The following KLHL15 variants were observed in gnomAD, a reference collection of about 807,000 sequenced individuals.
The protein encoded by KLHL15 is kelch-like protein 15.
A neutral mutation model predicts 29.3 loss-of-function variants in KLHL15; 1 was observed. The ratio of observed to expected loss-of-function variants is 0.03; its 90% confidence interval spans 0.01 to 0.16. KLHL15 has a LOEUF of 0.16. Among genes scored for constraint, KLHL15 ranks in the 10% least tolerant of loss-of-function variants. The pLI, the probability that KLHL15 is intolerant of heterozygous loss-of-function variation, is 1.00. For synonymous variants in KLHL15, 212 were observed against 184.5 expected, an observed-to-expected ratio of 1.15 and a Z score of -1.21; for missense variants, 215 against 478.5, an observed-to-expected ratio of 0.45 and a Z score of 5.14.
chrX:23,994,795 T>C (rs1208632959), intron 3 of KLHL15, among the ~76,000 whole-genome samples: 1 of 111,831 alleles, frequency 8.9e-6, no homozygotes, highest in Non-Finnish European at 1.9e-5. Flanking sequence ...ATATATCATA[T>C]AATTATATAT....
rs1373425180 is a variant in KLHL15 at position 23,987,510 on chromosome X, C to T, written c.*411G>A. On this transcript the variant is annotated 3_prime_UTR_variant, in exon 4 of 4. Transcript: ENST00000328046. ...TAAATAATAAAACTAAAAAGTATAACAGACTGAAATACACTGAAATAAATC... is the reference window on the plus strand; with the variant it reads ...TAAATAATAAAACTAAAAAGTATAATAGACTGAAATACACTGAAATAAATC... The T allele has an allele frequency of 8.5e-6, 1 of 117,599 alleles. No individual in the cohort carries two copies. The highest frequency in any genetic ancestry group is 1.8e-5 in the Non-Finnish European group (1 of 57,057). 9.7% of individuals were successfully genotyped at this position (117,599 alleles called of 1,213,427 possible). A position where few individuals can be genotyped will look rare whatever the true frequency, so the allele number is the denominator to read the frequency against.
intron 2 of KLHL15, among the ~76,000 whole-genome samples, chrX:24,007,505 A>AT (rs1382928314): frequency 0.014 from 785 of 55,884 alleles, 2 homozygotes; most frequent in Non-Finnish European, 0.018. Context: ...AAAAAAAAAA[A>AT]AAAATATATA....
intron 3 of KLHL15, among the ~76,000 whole-genome samples, chrX:23,991,546 A>ACAAG (rs1348289866): frequency 5.4e-5 from 6 of 110,508 alleles, no homozygotes; most frequent in Non-Finnish European, 1.1e-4. Context: ...AAACAAACAA[A>ACAAG]CAAACCAAAA....
At chrX:24,025,377 G>A (rs1929905568) in intron 1 of KLHL15, among the ~76,000 whole-genome samples, 1 of 106,190 alleles carries the variant, frequency 9.4e-6, no homozygotes, top group Admixed American at 9.7e-5. Flanking sequence ...GGCGTGCGGG[G>A]CCACGAGCCG....
chrX:24,021,826 TAAAA>T (rs767263350), intron 2 of KLHL15, among the ~76,000 whole-genome samples: 1 of 94,494 alleles, frequency 1.1e-5, no homozygotes. Context: ...TTCTCTTCAA[TAAAA>T]AAAAAAAAGC....
intron 2 of KLHL15, among the ~76,000 whole-genome samples, chrX:24,013,980 T>G (rs771513259): frequency 9.0e-6 from 1 of 110,917 alleles, no homozygotes; most frequent in Non-Finnish European, 1.9e-5. Context: ...TCAAGCTGTA[T>G]TGGTCTGCAG....
chrX:24,025,413 C>T (rs1033359452), intron 1 of KLHL15, among the ~76,000 whole-genome samples: 1 of 105,556 alleles, frequency 9.5e-6, no homozygotes, highest in Non-Finnish European at 2.0e-5. Context: ...CGCGCGCCCC[C>T]TGCGGGCCGC....
intron 2 of KLHL15, among the ~76,000 whole-genome samples, chrX:24,022,455 G>GA (rs1469203080): frequency 4.6e-5 from 5 of 107,643 alleles, no homozygotes; most frequent in Admixed American, 9.9e-5. Flanking sequence ...CCAACATGGT[G>GA]AAACCCCGTC....
At chrX:23,990,680 A>G (rs866186019) in intron 3 of KLHL15, among the ~76,000 whole-genome samples, 10 of 110,803 alleles carry the variant, frequency 9.0e-5, no homozygotes, top group African/African-American at 3.0e-4. Context: ...TAGGGTTCTG[A>G]GGCGGAAATG....
chrX:23,986,547 G>A lies in KLHL15; in HGVS notation c.*1374C>T, dbSNP rs1255195463. The A allele has an allele frequency of 3.6e-5, 4 of 112,012 alleles. No homozygotes were observed. Among genetic ancestry groups the A allele is most frequent in the Non-Finnish European group, 7.5e-5 (4 of 53,170 alleles). 9.2% of individuals were successfully genotyped at this position (112,012 alleles called of 1,213,427 possible). On this transcript the variant is annotated 3_prime_UTR_variant, in exon 4 of 4. Transcript: ENST00000328046. ...CTCTGCATTTAAAGAGTTGAAAGGT[G>A]CAGCTAATCCTAAAACACTTATTAT... is the stretch of plus-strand genomic sequence containing the variant.
chrX:23,989,826 C>T (rs1240326038), intron 3 of KLHL15, among the ~76,000 whole-genome samples: 1 of 109,514 alleles, frequency 9.1e-6, no homozygotes, highest in African/African-American at 3.3e-5. Flanking sequence ...ATTATTATTA[C>T]TATATATTTT....
At chrX:24,007,504 A>ATATAT (rs1555976994) in intron 2 of KLHL15, among the ~76,000 whole-genome samples, 1 of 54,984 alleles carries the variant, frequency 1.8e-5, no homozygotes, top group Admixed American at 2.0e-4. Context: ...AAAAAAAAAA[A>ATATAT]AAAAATATAT....
chrX:23,997,196 G>A (rs765475671), intron 3 of KLHL15, among the ~76,000 whole-genome samples: 14 of 112,392 alleles, frequency 1.2e-4, no homozygotes, highest in South Asian at 3.6e-4. Flanking sequence ...CCCTTTTAGA[G>A]AGTAAAAAAT....
At position 24,013,033 on chromosome X, in the gene KLHL15, C is replaced by A. The variant is rs377138005; in HGVS notation, c.-7-6333G>T. On this transcript the variant is annotated intron_variant, in intron 2 of 3. Coordinates refer to ENST00000328046, the MANE Select transcript of KLHL15 (RefSeq NM_030624.3). ...ATTCTGGAAACTAATCAATGCTTGG[C>A]AAAACAACTTTACTAATACATTTAA... Among the ~76,000 whole-genome samples, 9 of 111,755 alleles carry A rather than the reference C, an allele frequency of 8.1e-5. No individual in the cohort carries two copies. In the East Asian group the frequency reaches 2.5e-3, roughly 31 times the overall value.
intron 3 of KLHL15, among the ~76,000 whole-genome samples, chrX:23,996,440 G>A (rs923802393): frequency 5.4e-5 from 6 of 111,622 alleles, no homozygotes; most frequent in Admixed American, 4.7e-4. Flanking sequence ...CCAGGCGAGC[G>A]GATCATGAGG....
At chrX:23,990,326 C>T (rs1431103744) in intron 3 of KLHL15, among the ~76,000 whole-genome samples, 2 of 110,902 alleles carry the variant, frequency 1.8e-5, no homozygotes, top group Non-Finnish European at 3.8e-5. Flanking sequence ...TGAAGCCAAA[C>T]AGCACATCTG....
In KLHL15 at chrX:24,002,647, G is replaced by C. The variant is rs1477612461; in HGVS notation, c.705+3342C>G. Reference sequence around the variant, plus strand: ...ATGGGGTGGGGTAGGGGATTGGGGGGAACAGGTTCTCACTTTTATCGCCCA... The same window carrying C: ...ATGGGGTGGGGTAGGGGATTGGGGGCAACAGGTTCTCACTTTTATCGCCCA... On this transcript the variant is annotated intron_variant, in intron 3 of 3. Coordinates refer to ENST00000328046, the MANE Select transcript of KLHL15 (RefSeq NM_030624.3). Among the ~76,000 whole-genome samples, 10 of 107,317 alleles carry C rather than the reference G, an allele frequency of 9.3e-5. No individual in the cohort carries two copies. The East Asian group carries it at 1.2e-3, about 13-fold the overall frequency. 93.2% of individuals were successfully genotyped at this position (107,317 alleles called of 115,157 possible). A position where few individuals can be genotyped will look rare whatever the true frequency, so the allele number is the denominator to read the frequency against.
chrX:24,014,899 G>A (rs1427892376), intron 2 of KLHL15, among the ~76,000 whole-genome samples: 1 of 112,089 alleles, frequency 8.9e-6, no homozygotes, highest in African/African-American at 3.2e-5. Flanking sequence ...ACGGGAACTG[G>A]AACATGTCAA....
intron 1 of KLHL15, among the ~76,000 whole-genome samples, chrX:24,025,412 C>G (rs979485806): frequency 1.7e-4 from 18 of 105,556 alleles, no homozygotes; most frequent in African/African-American, 6.1e-4. Context: ...CCGCGCGCCC[C>G]CTGCGGGCCG....
Sources: allele counts gnomAD v4.1 joint callset (sites outside exome capture counted in the v4.1 genomes callset), GRCh38; gene constraint gnomAD v4.1.1; transcripts MANE v1.5; gene names NCBI Gene and HGNC (gene_info 2026-07-23, HGNC 2026-07-21).